The following KIF26B variants were observed in gnomAD, a reference collection of about 807,000 sequenced individuals.
KIF26B encodes kinesin-like protein KIF26B.
A neutral mutation model predicts 151.2 loss-of-function variants in KIF26B; 63 were observed. The ratio of observed to expected loss-of-function variants is 0.42; its 90% CI spans 0.34 to 0.51. The LOEUF is 0.51. KIF26B is among the 20% of genes least tolerant of loss of function. The pLI is 0.07. For missense variants in KIF26B, 2,813 were observed against 2,913.6 expected (o/e 0.97, Z 0.79); for synonymous variants, 1,357 against 1,262.1 (o/e 1.08, Z -1.59).
At chr1:245,536,888 A>G (rs538154594) in intron 4 of KIF26B, among the ~76,000 whole-genome samples, 1 of 152,354 alleles carries the variant, frequency 6.6e-6, no homozygotes, top group South Asian at 2.1e-4. Flanking sequence ...GTCTCAAGAA[A>G]GGAAGCCAGG....
intron 12 of KIF26B, among the ~76,000 whole-genome samples, chr1:245,697,859 G>C (rs971432579): frequency 2.6e-4 from 39 of 152,202 alleles, no homozygotes; most frequent in Non-Finnish European, 4.3e-4. Context: ...GGGCAATATA[G>C]CAAGATGTCG....
chr1:245,390,859 G>A (rs113037475), intron 3 of KIF26B, among the ~76,000 whole-genome samples: 2,936 of 140,774 alleles, frequency 0.021, 112 homozygotes, highest in African/African-American at 0.073. Flanking sequence ...GCTGAGGCAG[G>A]AGGATCACTC....
intron 3 of KIF26B, among the ~76,000 whole-genome samples, chr1:245,369,901 C>T (rs549408529): frequency 6.6e-6 from 1 of 152,282 alleles, no homozygotes; most frequent in African/African-American, 2.4e-5. Context: ...GAACCAGTGG[C>T]GTCCTGTGCA....
chr1:245,287,691 C>T lies in KIF26B; in HGVS notation c.466-79143C>T, dbSNP rs147366372. On this transcript the variant is annotated intron_variant, in intron 2 of 14. Transcript: ENST00000407071. ...GCTAATTTTGTATTTTTATTAGAGA[C>T]GGGATTTCTCCATATTGATCAGGCT... Among the ~76,000 whole-genome samples, 205 of 152,010 alleles carry T rather than the reference C, an allele frequency of 1.3e-3. 2 individuals carry two copies. The East Asian group carries it at 0.034, about 25-fold the overall frequency.
intron 3 of KIF26B, among the ~76,000 whole-genome samples, chr1:245,413,611 C>T (rs908123882): frequency 5.9e-5 from 9 of 152,134 alleles, no homozygotes; most frequent in Admixed American, 1.3e-4. Flanking sequence ...TGCAGTGAGC[C>T]GAGATTGCAC....
At chr1:245,359,022 C>CTT (rs544907561) in intron 2 of KIF26B, among the ~76,000 whole-genome samples, 2 of 147,620 alleles carry the variant, frequency 1.4e-5, no homozygotes, top group East Asian at 2.0e-4. Context: ...GTTTCTCTCT[C>CTT]TTTTTTTTTT....
At chr1:245,682,022 C>G (rs964340637) in intron 10 of KIF26B, among the ~76,000 whole-genome samples, 1 of 152,188 alleles carries the variant, frequency 6.6e-6, no homozygotes, top group Non-Finnish European at 1.5e-5. Context: ...GCGGGCGGAT[C>G]GCCTGAGGTC....
chr1:245,209,604 T>G (rs1239932638), intron 2 of KIF26B, among the ~76,000 whole-genome samples: 1 of 152,102 alleles, frequency 6.6e-6, no homozygotes, highest in Admixed American at 6.5e-5. Context: ...CCGGGAAGCC[T>G]TCATGGAAAG....
Position 245,703,003 on chromosome 1 carries a change from CTGAT to C in KIF26B, c.*399_*402del, listed in dbSNP as rs1184561146. ...GCGAACACAAAACAACCCAGAATGA[CTGAT>C]TAAGTGCCTTGCAAATCTTTATTAT... On this transcript the variant is annotated 3_prime_UTR_variant, in exon 15 of 15. Transcript: ENST00000407071. The C allele has an allele frequency of 2.2e-5, 4 of 183,800 alleles. No individual in the cohort carries two copies. Among genetic ancestry groups the C allele is most frequent in the East Asian group, 2.9e-4 (2 of 7,002 alleles). The allele number at this position is 183,800 out of a possible 1,614,324, so 11.4% of individuals were successfully genotyped here. A position where few individuals can be genotyped will look rare whatever the true frequency, so the allele number is the denominator to read the frequency against.
intron 2 of KIF26B, among the ~76,000 whole-genome samples, chr1:245,272,213 G>C (rs544649695): frequency 3.9e-5 from 6 of 151,972 alleles, no homozygotes; most frequent in African/African-American, 1.4e-4. Context: ...TTTTATTTCT[G>C]ATTTTATTTA....
intron 2 of KIF26B, among the ~76,000 whole-genome samples, chr1:245,280,687 C>A (rs1393115860): frequency 8.0e-6 from 1 of 125,750 alleles, no homozygotes. Flanking sequence ...ATGTGCCATG[C>A]TGGTGCGCTG....
intron 2 of KIF26B, among the ~76,000 whole-genome samples, chr1:245,196,827 A>C (rs113353576): frequency 0.014 from 2,141 of 152,332 alleles, 15 homozygotes; most frequent in Non-Finnish European, 0.023. Flanking sequence ...GGTTCCGAGC[A>C]TACCCTGCTT....
intron 4 of KIF26B, among the ~76,000 whole-genome samples, chr1:245,470,420 A>G (rs1310856082): frequency 7.0e-6 from 1 of 142,014 alleles, no homozygotes; most frequent in African/African-American, 2.6e-5. Context: ...TCTGAAGCAT[A>G]ATGCCACTTT....
intron 3 of KIF26B, among the ~76,000 whole-genome samples, chr1:245,369,958 G>A (rs1013627354): frequency 3.9e-5 from 6 of 152,234 alleles, no homozygotes; most frequent in Non-Finnish European, 7.3e-5. Flanking sequence ...GGCAGGAACA[G>A]AGAAGGGCTT....
At chr1:245,180,292 C>CAG (rs34346823) in intron 2 of KIF26B, among the ~76,000 whole-genome samples, 81,627 of 148,378 alleles carry the variant, frequency 0.55, 24,397 homozygotes, top group Non-Finnish European at 0.69. Flanking sequence ...CTGCAGGTAG[C>CAG]AGAGAGAGAG....
chr1:245,163,862 TCTA>T lies in KIF26B; in HGVS notation c.465+7183_465+7185del, dbSNP rs547770741. On this transcript the variant is annotated intron_variant, in intron 2 of 14. Transcript: ENST00000407071. Reference sequence around the variant, plus strand: ...TTTATATCCCGTCGCCTTATTAAATTCTACTATATTCACTGATTTTTAAAAAAT... The same window carrying T: ...TTTATATCCCGTCGCCTTATTAAATTCTATATTCACTGATTTTTAAAAAAT... Among the ~76,000 whole-genome samples, 314 of 152,300 alleles carry T rather than the reference TCTA, an allele frequency of 2.1e-3. 1 individual carries two copies. The highest frequency in any genetic ancestry group is 7.2e-3 in the African/African-American group (299 of 41,572).
At chr1:245,413,538 C>G (rs547612895) in intron 3 of KIF26B, among the ~76,000 whole-genome samples, 6 of 152,094 alleles carry the variant, frequency 3.9e-5, no homozygotes, top group African/African-American at 1.2e-4. Flanking sequence ...TGGCGTCCAC[C>G]TGTAATCCCA....
At chr1:245,567,982 A>T (rs957994293) in intron 5 of KIF26B, among the ~76,000 whole-genome samples, 3 of 152,014 alleles carry the variant, frequency 2.0e-5, no homozygotes, top group African/African-American at 7.3e-5. Flanking sequence ...TCTGGAGTTC[A>T]GGACCAGCCT....
chr1:245,387,130 A>AT (rs1449956353), intron 3 of KIF26B, among the ~76,000 whole-genome samples: 1 of 151,358 alleles, frequency 6.6e-6, no homozygotes, highest in East Asian at 1.9e-4. Flanking sequence ...TAGAGGCTGT[A>AT]TTATCTGACC....
Sources: gnomAD v4.1 joint callset for allele counts (sites outside exome capture counted in the v4.1 genomes callset) on GRCh38, gnomAD v4.1.1 for gene constraint, MANE v1.5 for transcripts, NCBI Gene and HGNC (gene_info 2026-07-23, HGNC 2026-07-21) for gene names.